DAB1: variants seen among roughly 807,000 people sequenced by gnomAD.
DAB1 encodes the protein DAB adaptor protein 1.
Under a neutral mutation model 64.6 loss-of-function variants are expected in DAB1, and 15 were observed. That is an observed-to-expected ratio of 0.23 (90% CI 0.16 to 0.36). The LOEUF is 0.36. Among genes scored for constraint, DAB1 ranks in the 10% least tolerant of loss-of-function variants. The pLI is 1.00. For missense variants in DAB1, 596 were observed against 706.7 expected, an observed-to-expected ratio of 0.84 and a Z score of 1.78; for synonymous variants, 235 against 251.9, an observed-to-expected ratio of 0.93 and a Z score of 0.64.
chr1:57,634,755 A>T (rs1269613111), intron 7 of DAB1, among the ~76,000 whole-genome samples: 1 of 152,248 alleles, frequency 6.6e-6, no homozygotes, highest in African/African-American at 2.4e-5. Context: ...TCAGGAGATT[A>T]TACTTCTCCC....
At position 57,635,970 on chromosome 1, in the gene DAB1, G is replaced by A. The variant is rs1047728649; in HGVS notation, n.625+13622C>T. On this transcript the variant is annotated intron_variant and non_coding_transcript_variant, in intron 7 of 20. Coordinates refer to the DAB1 transcript ENST00000485760. ...AAATTAGCCAGGCGCGGTGGCGGGC[G>A]CCTGTAGTCCCAACTACTCAGGAGG... Among the ~76,000 whole-genome samples, 31 of 152,020 alleles carry A rather than the reference G, an allele frequency of 2.0e-4. 1 individual carries two copies. Among genetic ancestry groups the A allele is most frequent in the Admixed American group, 1.9e-3 (29 of 15,264 alleles).
chr1:58,500,265 G>C (rs1356613558), intron 3 of DAB1, among the ~76,000 whole-genome samples: 9 of 152,018 alleles, frequency 5.9e-5, no homozygotes. Context: ...TTCAATTACA[G>C]CAGCTGCTAT....
chr1:57,242,545 C>T (rs970224508), intron 2 of DAB1, among the ~76,000 whole-genome samples: 5 of 152,066 alleles, frequency 3.3e-5, no homozygotes, highest in African/African-American at 7.2e-5. Flanking sequence ...AGCAGAAATA[C>T]GAACAGGAAA....
chr1:57,282,044 G>A (rs886353033), intron 2 of DAB1, among the ~76,000 whole-genome samples: 4 of 151,786 alleles, frequency 2.6e-5, no homozygotes, highest in Admixed American at 2.6e-4. Context: ...TTAGCTGGGT[G>A]CAGTGACATG....
At chr1:57,583,976 A>C (rs1456196995) in intron 7 of DAB1, among the ~76,000 whole-genome samples, 1 of 152,174 alleles carries the variant, frequency 6.6e-6, no homozygotes, top group Non-Finnish European at 1.5e-5. Flanking sequence ...ATATGGCCTG[A>C]GAAGGACTCC....
chr1:57,897,062 T>C (rs2101989557), intron 5 of DAB1, among the ~76,000 whole-genome samples: 1 of 152,200 alleles, frequency 6.6e-6, no homozygotes, highest in South Asian at 2.1e-4. Flanking sequence ...TCCCTAAAAG[T>C]TACAGAACAT....
intron 4 of DAB1, among the ~76,000 whole-genome samples, chr1:58,305,455 G>C (rs189509568): frequency 6.6e-6 from 1 of 151,962 alleles, no homozygotes; most frequent in Non-Finnish European, 1.5e-5. Flanking sequence ...TTCACATTGT[G>C]GTAATATTGT....
At position 57,158,038 on chromosome 1, in the gene DAB1, C is replaced by T. The variant is rs138165006; in HGVS notation, c.68-12609G>A. On this transcript the variant is annotated intron_variant, in intron 2 of 14. Coordinates refer to ENST00000371236, the MANE Select transcript of DAB1 (RefSeq NM_001365792.1). The stretch of plus-strand genomic sequence containing the variant: ...CATTTAAATCACGGTATGCTACTTC[C>T]TGTGTATAAGCAAGTTAAAGTTTCT... Among the ~76,000 whole-genome samples, 999 of 152,250 alleles carry T rather than the reference C, an allele frequency of 6.6e-3. 4 individuals carry two copies. Among genetic ancestry groups the T allele is most frequent in the Non-Finnish European group, 0.011 (763 of 68,014 alleles).
intron 6 of DAB1, among the ~76,000 whole-genome samples, chr1:57,805,936 CTA>C (rs1651340304): frequency 6.6e-6 from 1 of 152,206 alleles, no homozygotes; most frequent in South Asian, 2.1e-4. Flanking sequence ...CACCTTCTCA[CTA>C]TGTTCCTCCA....
At chr1:57,944,906 C>T (rs1018382862) in intron 5 of DAB1, among the ~76,000 whole-genome samples, 1 of 152,230 alleles carries the variant, frequency 6.6e-6, no homozygotes, top group South Asian at 2.1e-4. Context: ...AGCAGAGATA[C>T]ATATAAGCAC....
intron 4 of DAB1, among the ~76,000 whole-genome samples, chr1:57,103,976 G>T (rs1383930313): frequency 1.3e-5 from 2 of 152,122 alleles, no homozygotes; most frequent in African/African-American, 4.8e-5. Context: ...AGGAGATCAA[G>T]GGTCTGTCTG....
chr1:58,105,054 T>C (rs1651550980), intron 5 of DAB1, among the ~76,000 whole-genome samples: 1 of 152,190 alleles, frequency 6.6e-6, no homozygotes, highest in Non-Finnish European at 1.5e-5. Flanking sequence ...CAAACTTCCC[T>C]TTCTGTTTGA....
At chr1:57,078,734 T>C (rs1280086985) in intron 4 of DAB1, among the ~76,000 whole-genome samples, 2 of 152,174 alleles carry the variant, frequency 1.3e-5, no homozygotes, top group Non-Finnish European at 2.9e-5. Flanking sequence ...TTGTTATTGG[T>C]GGAAGTGTGA....
Position 58,404,873 on chromosome 1 carries a change from C to T in DAB1, n.258-61470G>A, listed in dbSNP as rs542388732. On this transcript the variant is annotated intron_variant and non_coding_transcript_variant, in intron 3 of 20. Transcript: ENST00000485760. ...TCCATCCACTCTCCTTCCTTCTTCC[C>T]TGTCTCTCCTTGTTTTTCCTTCTTC... Among the ~76,000 whole-genome samples, 315 of 152,272 alleles carry T rather than the reference C, an allele frequency of 2.1e-3. 14 individuals carry two copies. The South Asian group carries it at 0.059, about 29-fold the overall frequency.
chr1:57,766,635 C>A lies in DAB1; in HGVS notation n.552-116970G>T, dbSNP rs1649323749. The stretch of plus-strand genomic sequence containing the variant: ...CTGGCACCAAATGTATGGGTGTTTC[C>A]CTCACACCAACCATTTCTTTGTTTC... On this transcript the variant is annotated intron_variant and non_coding_transcript_variant, in intron 6 of 20. Coordinates refer to the DAB1 transcript ENST00000485760. Among the ~76,000 whole-genome samples, 4 of 152,112 alleles carry A rather than the reference C, an allele frequency of 2.6e-5. No homozygotes were observed. The South Asian group carries it at 8.3e-4, about 32-fold the overall frequency.
intron 7 of DAB1, among the ~76,000 whole-genome samples, chr1:57,580,083 G>A (rs1645295575): frequency 6.6e-6 from 1 of 152,110 alleles, no homozygotes; most frequent in Admixed American, 6.5e-5. Context: ...CTGTAGCACA[G>A]CGGCTGTCCC....
chr1:57,563,634 G>T (rs1018031545), intron 7 of DAB1, among the ~76,000 whole-genome samples: 8 of 152,198 alleles, frequency 5.3e-5, no homozygotes, highest in Non-Finnish European at 8.8e-5. Context: ...GGCACACCAA[G>T]AGATTATATC....
chr1:57,223,365 A>G (rs916587138), intron 2 of DAB1, among the ~76,000 whole-genome samples: 1 of 152,176 alleles, frequency 6.6e-6, no homozygotes, highest in Non-Finnish European at 1.5e-5. Flanking sequence ...ACTTTGGTCC[A>G]GGGGTATGCA....
chr1:57,653,113 C>A (rs1280506932), intron 6 of DAB1, among the ~76,000 whole-genome samples: 1 of 152,084 alleles, frequency 6.6e-6, no homozygotes, highest in East Asian at 1.9e-4. Context: ...TGTACTGATA[C>A]CAGCTTGGTC....
Sources: allele counts gnomAD v4.1 joint callset (sites outside exome capture counted in the v4.1 genomes callset), GRCh38; gene constraint gnomAD v4.1.1; transcripts MANE v1.5; gene names NCBI Gene and HGNC (gene_info 2026-07-23, HGNC 2026-07-21).